Variants in TMEM132B observed in about 807,000 individuals in gnomAD.
TMEM132B encodes the protein transmembrane protein 132B.
In TMEM132B, 18 loss-of-function variants were observed where a neutral mutation model predicts 90.8. That is an observed-to-expected ratio of 0.20 (90% CI 0.14 to 0.29). The LOEUF is 0.29. Among genes scored for constraint, TMEM132B ranks in the 10% least tolerant of loss-of-function variants. The pLI is 1.00. For synonymous variants in TMEM132B, 504 were observed against 523.3 expected (o/e 0.96, Z 0.50); for missense variants, 1,096 against 1,326.8 (o/e 0.83, Z 2.70).
intron 1 of TMEM132B, among the ~76,000 whole-genome samples, chr12:125,283,474 G>A (rs1875257790): frequency 6.6e-6 from 1 of 152,146 alleles, no homozygotes. Flanking sequence ...CCTGGCAGAT[G>A]CTCAGCTGTC....
intron 6 of TMEM132B, among the ~76,000 whole-genome samples, chr12:125,645,740 G>A (rs938568491): frequency 2.0e-5 from 3 of 152,176 alleles, no homozygotes; most frequent in African/African-American, 7.2e-5. Flanking sequence ...CTGGATTACT[G>A]GCTTGCAGAA....
rs897923794 is a variant in TMEM132B, at chr12:125,407,053, T to C, written c.960-8478T>C. On this transcript the variant is annotated intron_variant, in intron 2 of 8. Coordinates refer to ENST00000682704, the MANE Select transcript of TMEM132B (RefSeq NM_001366854.1). This position sits in a 1 kb window ranked among gnomAD's most constrained non-coding sequence, Gnocchi z 6.7. ...ACTGGGGGAGCTCACCCAAGCTTGG[T>C]GTCCAGAGCTTTTTTTGGAACTTGG... Among the ~76,000 whole-genome samples the C allele has an allele frequency of 6.6e-6, 1 of 152,128 alleles. No homozygotes were observed. Among genetic ancestry groups the C allele is most frequent in the African/African-American group, 2.4e-5 (1 of 41,432 alleles).
intron 2 of TMEM132B, among the ~76,000 whole-genome samples, chr12:125,371,421 A>G (rs2136271255): frequency 6.6e-6 from 1 of 152,300 alleles, no homozygotes; most frequent in Admixed American, 6.5e-5. Context: ...GTGTCAGGGG[A>G]TTCTTTTCCC....
At chr12:125,225,368 A>G (rs548630278) in intron 1 of TMEM132B, among the ~76,000 whole-genome samples, 134 of 152,378 alleles carry the variant, frequency 8.8e-4, no homozygotes, top group African/African-American at 3.2e-3. Context: ...GGGCGATAGC[A>G]GAGCATTAAG....
intron 3 of TMEM132B, among the ~76,000 whole-genome samples, chr12:125,434,068 G>A (rs1039060300): frequency 2.0e-5 from 3 of 152,208 alleles, no homozygotes; most frequent in Non-Finnish European, 4.4e-5. Context: ...TTCGCGGGGT[G>A]TTAAGTCAAG....
rs540283888 is a variant in TMEM132B at position 125,632,611 on chromosome 12, G to A, written c.1438-11465G>A. On this transcript the variant is annotated intron_variant, in intron 5 of 8. Coordinates refer to ENST00000682704, the MANE Select transcript of TMEM132B (RefSeq NM_001366854.1). The stretch of plus-strand genomic sequence containing the variant: ...AATCCCTCAGCTTTTGCTTGTCTGG[G>A]AAAGTCTTTATTTTTCCTTTATGTT... Among the ~76,000 whole-genome samples the A allele has an allele frequency of 1.4e-4, 21 of 152,190 alleles. No individual in the cohort carries two copies. In the South Asian group the frequency reaches 3.5e-3, roughly 26 times the overall value.
At chr12:125,614,097 T>C (rs1885927938) in intron 5 of TMEM132B, among the ~76,000 whole-genome samples, 1 of 152,202 alleles carries the variant, frequency 6.6e-6, no homozygotes, top group South Asian at 2.1e-4. Context: ...TGTCTTACAA[T>C]TATGTAATTT....
intron 2 of TMEM132B, among the ~76,000 whole-genome samples, chr12:125,359,727 A>G (rs1877900689): frequency 6.6e-6 from 1 of 152,258 alleles, no homozygotes; most frequent in Admixed American, 6.5e-5. Context: ...ACTTGCCAGC[A>G]GAAGTTCACG....
chr12:125,321,185 T>C (rs1010991050), intron 1 of TMEM132B, among the ~76,000 whole-genome samples: 6 of 152,196 alleles, frequency 3.9e-5, no homozygotes, highest in Admixed American at 2.6e-4. Context: ...TTTTCTGACT[T>C]TGGGGGAGAG....
At position 125,277,340 on chromosome 12, in the gene TMEM132B, G is replaced by A. The variant is rs145640264; in HGVS notation, c.68-72112G>A. On this transcript the variant is annotated intron_variant, in intron 1 of 8. Coordinates refer to ENST00000682704, the MANE Select transcript of TMEM132B (RefSeq NM_001366854.1). This position sits in a 1 kb window ranked among gnomAD's most constrained non-coding sequence, Gnocchi z 4.3. ...CTAAAAATACAAAAATTAGCTGGGCGTGGTGGTGGGCTCCTGTAATCCCAG... is the reference window on the plus strand; with the variant it reads ...CTAAAAATACAAAAATTAGCTGGGCATGGTGGTGGGCTCCTGTAATCCCAG... Among the ~76,000 whole-genome samples the A allele has an allele frequency of 2.8e-4, 42 of 152,138 alleles. 2 individuals are homozygous for A. In the East Asian group the frequency reaches 7.7e-3, roughly 28 times the overall value.
At chr12:125,417,824 A>G (rs385642) in intron 3 of TMEM132B, among the ~76,000 whole-genome samples, 4,990 of 152,298 alleles carry the variant, frequency 0.033, 293 homozygotes, top group African/African-American at 0.11. Flanking sequence ...CACACGTCCC[A>G]GTGCTGGTCA....
At chr12:125,412,888 G>T (rs1463125135) in intron 2 of TMEM132B, among the ~76,000 whole-genome samples, 1 of 152,084 alleles carries the variant, frequency 6.6e-6, no homozygotes, top group Non-Finnish European at 1.5e-5. Flanking sequence ...AAAGCTTTGT[G>T]AAAGTAGCAG....
At chr12:125,454,375 C>CGT (rs549820136) in intron 3 of TMEM132B, among the ~76,000 whole-genome samples, 76 of 119,948 alleles carry the variant, frequency 6.3e-4, no homozygotes, top group African/African-American at 1.7e-3. Flanking sequence ...TACAGCCAGC[C>CGT]GTGTGTGTGT....
chr12:125,473,587 G>C (rs1881778776), intron 3 of TMEM132B, among the ~76,000 whole-genome samples: 1 of 152,158 alleles, frequency 6.6e-6, no homozygotes. Context: ...TTTTCATTCT[G>C]TATTGGGCCA....
chr12:125,230,097 G>A (rs1173034356), intron 1 of TMEM132B, among the ~76,000 whole-genome samples: 1 of 152,218 alleles, frequency 6.6e-6, no homozygotes, highest in East Asian at 1.9e-4. Context: ...ACAGAAGAAG[G>A]AGGACTGGAG....
chr12:125,413,459 A>G (rs1001026045), intron 2 of TMEM132B, among the ~76,000 whole-genome samples: 1 of 152,146 alleles, frequency 6.6e-6, no homozygotes, highest in Non-Finnish European at 1.5e-5. Context: ...CCCAAAAGGA[A>G]ACTGGGTACC....
At chr12:125,411,192 T>A (rs967169130) in intron 2 of TMEM132B, among the ~76,000 whole-genome samples, 2 of 105,954 alleles carry the variant, frequency 1.9e-5, no homozygotes, top group Admixed American at 9.8e-5. Flanking sequence ...AGTGGAGGAG[T>A]GGAGTGGAGT....
chr12:125,542,529 A>G (rs1265739622), intron 4 of TMEM132B, among the ~76,000 whole-genome samples: 1 of 152,140 alleles, frequency 6.6e-6, no homozygotes, highest in Non-Finnish European at 1.5e-5. Flanking sequence ...CCAGGCACCC[A>G]CCATGGTGCT....
intron 5 of TMEM132B, among the ~76,000 whole-genome samples, chr12:125,596,814 T>A (rs1885450285): frequency 6.6e-6 from 1 of 152,216 alleles, no homozygotes; most frequent in African/African-American, 2.4e-5. Context: ...TGACATCCTT[T>A]GTGTCTAACA....
Sources: allele counts gnomAD v4.1 joint callset (sites outside exome capture counted in the v4.1 genomes callset), GRCh38; gene constraint gnomAD v4.1.1; non-coding constraint Gnocchi (gnomAD v3.1); transcripts MANE v1.5; gene names NCBI Gene and HGNC (gene_info 2026-07-23, HGNC 2026-07-21).